NPHP1: variants seen among roughly 807,000 people sequenced by gnomAD.
NPHP1 encodes nephrocystin-1.
In NPHP1, 70 loss-of-function variants were observed where a neutral mutation model predicts 90.4. The observed-to-expected ratio is 0.77, with a 90% CI of 0.64 to 0.95. The LOEUF (loss-of-function observed/expected upper bound fraction) is 0.95, where lower values mean the gene tolerates loss of function less well. NPHP1 is among the 40% of genes least tolerant of loss of function. The pLI is 0.00. For synonymous variants in NPHP1, 256 were observed against 271.7 expected (o/e 0.94, Z 0.57); for missense variants, 764 against 795.9 (o/e 0.96, Z 0.48).
rs1168397395 is a variant in NPHP1, at chr2:110,199,645, A to G, written c.143+1776T>C. On this transcript the variant is annotated intron_variant, in intron 2 of 19. Transcript: ENST00000445609. ...ACATCCCCCCAAAAAAACATCTCCC[A>G]TACAAACAAAGAAACAGAAACTATT... Among the ~76,000 whole-genome samples the G allele has an allele frequency of 5.3e-5, 8 of 151,960 alleles. No homozygotes were observed. The East Asian group carries it at 1.5e-3, about 29-fold the overall frequency.
intron 16 of NPHP1, among the ~76,000 whole-genome samples, chr2:110,135,772 G>C (rs1419271312): frequency 6.6e-6 from 1 of 152,056 alleles, no homozygotes; most frequent in African/African-American, 2.4e-5. Flanking sequence ...GATTTAAAAA[G>C]AGATCTTACT....
intron 16 of NPHP1, among the ~76,000 whole-genome samples, chr2:110,135,668 G>A (rs1574068687): frequency 6.6e-6 from 1 of 152,002 alleles, no homozygotes; most frequent in East Asian, 1.9e-4. Flanking sequence ...TTAAGCATGA[G>A]GAAGGACCAT....
rs1574049081 is a variant in NPHP1 at position 110,125,687 on chromosome 2, G to A, written c.1717-6C>T. 1 of 1,612,234 alleles carries A rather than the reference G, an allele frequency of 6.2e-7. No homozygotes were observed. The highest frequency in any genetic ancestry group is 2.2e-5 in the East Asian group (1 of 44,848). On this transcript the variant is annotated splice_polypyrimidine_tract_variant and splice_region_variant and intron_variant, in intron 18 of 19. Coordinates refer to ENST00000445609, the MANE Select transcript of NPHP1 (RefSeq NM_001128178.3). ...TCTTTTCCAGCCCACGAACTCTAAA[G>A]AGCAAACAGAAATATTATGTTAGTC...
chr2:110,160,046 G>A, intron 11 of NPHP1, 81 bp downstream of exon 11: 1 of 1,436,590 alleles, frequency 7.0e-7, no homozygotes, highest in Non-Finnish European at 9.8e-7. Context: ...GGGAATTGGG[G>A]AGGAGTTGAA....
At chr2:110,141,904 C>T (rs893579694) in intron 16 of NPHP1, among the ~76,000 whole-genome samples, 2 of 145,094 alleles carry the variant, frequency 1.4e-5, no homozygotes, top group South Asian at 2.2e-4. Context: ...ACCCGGGAGG[C>T]GGAGCTTGCA....
chr2:110,173,348 A>G (rs1322839057), intron 4 of NPHP1, among the ~76,000 whole-genome samples: 3 of 152,128 alleles, frequency 2.0e-5, no homozygotes, highest in Non-Finnish European at 4.4e-5. Context: ...AAATTTGGTG[A>G]CAATTACTTT....
chr2:110,203,012 G>C (rs184823994), intron 1 of NPHP1, among the ~76,000 whole-genome samples: 1 of 152,258 alleles, frequency 6.6e-6, no homozygotes, highest in Admixed American at 6.5e-5. Context: ...CAAAGACATG[G>C]AATCAACATA....
At chr2:110,184,901 C>T in intron 2 of NPHP1, 1 of 692,018 alleles carries the variant, frequency 1.4e-6, no homozygotes, top group Non-Finnish European at 2.7e-6. Flanking sequence ...TGAAGGCATC[C>T]ACAAGGTCCT....
rs1419285080 is a variant in NPHP1, at chr2:110,144,587, A to G, written c.1353-18T>C. On this transcript the variant is annotated intron_variant, in intron 14 of 19. Coordinates refer to ENST00000445609, the MANE Select transcript of NPHP1 (RefSeq NM_001128178.3). ...CATAAGTTCTATAAAAGAATAACAT[A>G]CAATGACAGATATAAGCTGTGGGCA... The G allele has an allele frequency of 7.0e-7, 1 of 1,438,452 alleles. No homozygotes were observed. Among genetic ancestry groups the G allele is most frequent in the Non-Finnish European group, 9.8e-7 (1 of 1,020,118 alleles). The allele number at this position is 1,438,452 out of a possible 1,614,324, so 89.1% of individuals were successfully genotyped here.
chr2:110,200,744 T>G (rs1447005290), intron 2 of NPHP1, among the ~76,000 whole-genome samples: 1 of 152,150 alleles, frequency 6.6e-6, no homozygotes, highest in Non-Finnish European at 1.5e-5. Context: ...CTAAATCCCT[T>G]AATCAATCCT....
At chr2:110,157,771 CTT>C (rs1252838655) in intron 11 of NPHP1, among the ~76,000 whole-genome samples, 1 of 152,164 alleles carries the variant, frequency 6.6e-6, no homozygotes, top group Non-Finnish European at 1.5e-5. Flanking sequence ...TCCAGACACT[CTT>C]TGAAAGAACT....
At chr2:110,178,303 G>T in intron 4 of NPHP1, 120 bp downstream of exon 4, 2 of 961,318 alleles carry the variant, frequency 2.1e-6, no homozygotes, top group Non-Finnish European at 3.3e-6. Flanking sequence ...AATGTTGACT[G>T]ATTCTATTGT....
chr2:110,201,556 T>A, intron 1 of NPHP1, 62 bp from the exon 2 acceptor site: 1 of 1,138,570 alleles, frequency 8.8e-7, no homozygotes, highest in Non-Finnish European at 1.3e-6. Flanking sequence ...AAAGAAAACT[T>A]CTTTTTTTAT....
At chr2:110,195,315 G>A (rs2104689101) in intron 2 of NPHP1, among the ~76,000 whole-genome samples, 1 of 152,220 alleles carries the variant, frequency 6.6e-6, no homozygotes, top group Middle Eastern at 3.4e-3. Flanking sequence ...CAAAGTCTCA[G>A]GATACAAAGT....
intron 2 of NPHP1, among the ~76,000 whole-genome samples, chr2:110,182,795 A>G (rs528481592): frequency 3.9e-5 from 6 of 152,276 alleles, no homozygotes; most frequent in Admixed American, 3.3e-4. Context: ...ACAAAACAAT[A>G]CTAACCTTAA....
At chr2:110,164,915 A>T in intron 7 of NPHP1, 137 bp downstream of exon 7, 1 of 873,500 alleles carries the variant, frequency 1.1e-6, no homozygotes. Context: ...ATGATCTTTA[A>T]GCAGACAATA....
intron 2 of NPHP1, chr2:110,184,426 C>G (rs1160592296): frequency 3.1e-6 from 2 of 646,024 alleles, no homozygotes; most frequent in Admixed American, 4.8e-5. Context: ...CAGGAATGAG[C>G]TGCCAACGTT....
intron 12 of NPHP1, among the ~76,000 whole-genome samples, chr2:110,149,244 T>C (rs1166647126): frequency 6.6e-6 from 1 of 152,188 alleles, no homozygotes; most frequent in Non-Finnish European, 1.5e-5. Flanking sequence ...GAAAAAATGC[T>C]TGCACATAAC....
chr2:110,164,432 A>G, intron 8 of NPHP1: 1 of 757,008 alleles, frequency 1.3e-6, no homozygotes. Flanking sequence ...AGCAGGATCA[A>G]TGAGAATGTT....
Sources: gnomAD v4.1 joint callset for allele counts (sites outside exome capture counted in the v4.1 genomes callset) on GRCh38, gnomAD v4.1.1 for gene constraint, MANE v1.5 for transcripts, NCBI Gene and HGNC (gene_info 2026-07-23, HGNC 2026-07-21) for gene names.